Variants in RNGTT observed in about 807,000 individuals in gnomAD.
RNGTT encodes the protein RNA guanylyltransferase and 5'-phosphatase.
Under a neutral mutation model 79.3 loss-of-function variants are expected in RNGTT, and 33 were observed. The observed-to-expected ratio is 0.42, with a 90% CI of 0.32 to 0.56. The LOEUF (loss-of-function observed/expected upper bound fraction) is 0.56. Among genes scored for constraint, RNGTT ranks in the 20% least tolerant of loss-of-function variants. The pLI, the probability that RNGTT is intolerant of heterozygous loss-of-function variation, is 0.17. For synonymous variants in RNGTT, 222 were observed against 235.9 expected (o/e 0.94, Z 0.54); for missense variants, 497 against 739.1 (o/e 0.67, Z 3.80).
intron 6 of RNGTT, among the ~76,000 whole-genome samples, chr6:88,896,213 G>C (rs1783241744): frequency 6.6e-6 from 1 of 152,104 alleles, no homozygotes; most frequent in African/African-American, 2.4e-5. Context: ...TGTGGGTACT[G>C]GCATAACAAC....
At chr6:88,873,828 TAGAA>T (rs1221700216) in intron 8 of RNGTT, among the ~76,000 whole-genome samples, 7 of 152,166 alleles carry the variant, frequency 4.6e-5, no homozygotes, top group African/African-American at 1.7e-4. Context: ...AAGTCCAAGT[TAGAA>T]AAAGTTTCAA....
At chr6:88,956,296 C>G (rs1212918034) in intron 1 of RNGTT, among the ~76,000 whole-genome samples, 1 of 151,436 alleles carries the variant, frequency 6.6e-6, no homozygotes, top group Non-Finnish European at 1.5e-5. Context: ...TAGATTAAAT[C>G]AGGAAGAAAG....
intron 13 of RNGTT, among the ~76,000 whole-genome samples, chr6:88,769,157 TG>T (rs1314421252): frequency 2.0e-5 from 3 of 151,832 alleles, no homozygotes; most frequent in South Asian, 2.1e-4. Flanking sequence ...TTCTTTTCTT[TG>T]GGGGGAGGTG....
chr6:88,932,999 A>G (rs777404662), intron 2 of RNGTT, among the ~76,000 whole-genome samples: 1 of 152,032 alleles, frequency 6.6e-6, no homozygotes, highest in Non-Finnish European at 1.5e-5. Context: ...TTTCTCTCCT[A>G]TCAGCACCCC....
chr6:88,678,131 C>A, intron 14 of RNGTT: 1 of 793,570 alleles, frequency 1.3e-6, no homozygotes, highest in Non-Finnish European at 1.7e-6. Context: ...GGACTATAGG[C>A]ACATGCCACT....
chr6:88,740,035 T>A (rs982109468), intron 13 of RNGTT, among the ~76,000 whole-genome samples: 3 of 151,916 alleles, frequency 2.0e-5, no homozygotes, highest in Non-Finnish European at 2.9e-5. Context: ...CTACTCTTCT[T>A]CCAGAGAAAC....
rs563324762 is a variant in RNGTT, at chr6:88,803,910, C to A, written c.1270-2278G>T. Among the ~76,000 whole-genome samples, 9 of 152,244 alleles carry A rather than the reference C, an allele frequency of 5.9e-5. No individual in the cohort carries two copies. The South Asian group carries it at 1.9e-3, about 32-fold the overall frequency. On this transcript the variant is annotated intron_variant, in intron 11 of 15. Coordinates refer to ENST00000369485, the MANE Select transcript of RNGTT (RefSeq NM_003800.5). ...GAAAGTAATTTCATTTTTTATTCTA[C>A]TCTTTTTATAAATCAGAGTATTTAA...
At chr6:88,654,603 C>T (rs954994201) in intron 14 of RNGTT, among the ~76,000 whole-genome samples, 4 of 143,352 alleles carry the variant, frequency 2.8e-5, no homozygotes, top group Non-Finnish European at 6.0e-5. Flanking sequence ...CCTCCCTCTT[C>T]CCAGTAACTA....
intron 1 of RNGTT, among the ~76,000 whole-genome samples, chr6:88,945,704 T>C (rs1461369918): frequency 6.6e-6 from 1 of 152,204 alleles, no homozygotes; most frequent in African/African-American, 2.4e-5. Flanking sequence ...CAGGACACAA[T>C]GAAAGACTAG....
chr6:88,768,202 T>C (rs1185438964), intron 13 of RNGTT, among the ~76,000 whole-genome samples: 1 of 151,772 alleles, frequency 6.6e-6, no homozygotes, highest in African/African-American at 2.4e-5. Context: ...AGACTTGCTC[T>C]GGGCTCAAGC....
At chr6:88,817,748 C>CTTTTT (rs1227582021) in intron 11 of RNGTT, among the ~76,000 whole-genome samples, 4 of 99,994 alleles carry the variant, frequency 4.0e-5, no homozygotes, top group Non-Finnish European at 6.7e-5. Flanking sequence ...CTATTCACAT[C>CTTTTT]ATTTTTTTTT....
At chr6:88,779,309 T>G (rs1778986212) in intron 12 of RNGTT, among the ~76,000 whole-genome samples, 2 of 152,216 alleles carry the variant, frequency 1.3e-5, no homozygotes, top group African/African-American at 4.8e-5. Flanking sequence ...TTCCGTTTCC[T>G]ACTTGTTTAT....
chr6:88,914,779 A>G (rs1286218583), intron 4 of RNGTT, among the ~76,000 whole-genome samples: 1 of 152,148 alleles, frequency 6.6e-6, no homozygotes, highest in Non-Finnish European at 1.5e-5. Flanking sequence ...CAAGTGGGAC[A>G]TAATTAAGCT....
chr6:88,635,243 C>A (rs914259880), intron 14 of RNGTT, among the ~76,000 whole-genome samples: 18 of 151,978 alleles, frequency 1.2e-4, no homozygotes, highest in African/African-American at 4.3e-4. Context: ...ATATGATAAA[C>A]ATGTATATGC....
chr6:88,619,338 C>T lies in RNGTT; in HGVS notation c.1507-4943G>A, dbSNP rs551109059. Reference sequence around the variant, plus strand: ...GCACTACCACACCTGGCTAATATTGCAATTTTTTTTGTAGAGATGGGGTAT... The same window carrying T: ...GCACTACCACACCTGGCTAATATTGTAATTTTTTTTGTAGAGATGGGGTAT... On this transcript the variant is annotated intron_variant, in intron 14 of 15. Transcript: ENST00000369485. Among the ~76,000 whole-genome samples, 13 of 152,110 alleles carry T rather than the reference C, an allele frequency of 8.5e-5. No homozygotes were observed. In the South Asian group the frequency reaches 2.5e-3, roughly 29 times the overall value.
intron 6 of RNGTT, among the ~76,000 whole-genome samples, chr6:88,894,645 C>G (rs1783171504): frequency 1.3e-5 from 2 of 152,154 alleles, no homozygotes; most frequent in Non-Finnish European, 2.9e-5. Flanking sequence ...GATATCATCC[C>G]CATATGTGAT....
rs1456326356 is a variant in RNGTT at position 88,838,549 on chromosome 6, G to GA, written c.1269+5807dup. Among the ~76,000 whole-genome samples, 6 of 151,928 alleles carry GA rather than the reference G, an allele frequency of 3.9e-5. No homozygotes were observed. The East Asian group carries it at 9.6e-4, about 24-fold the overall frequency. On this transcript the variant is annotated intron_variant, in intron 11 of 15. Transcript: ENST00000369485. The stretch of plus-strand genomic sequence containing the variant: ...ATATCAAAAAGTATGAAATAAATCT[G>GA]AAAAAAGATGAGCAAAATCTCATGC...
At chr6:88,715,768 A>G (rs772382606) in intron 13 of RNGTT, among the ~76,000 whole-genome samples, 58 of 152,222 alleles carry the variant, frequency 3.8e-4, no homozygotes, top group Non-Finnish European at 6.6e-4. Flanking sequence ...GCCATATGTA[A>G]AAAGCTGAAA....
intron 8 of RNGTT, among the ~76,000 whole-genome samples, chr6:88,859,346 A>G (rs996671687): frequency 6.6e-6 from 1 of 152,214 alleles, no homozygotes; most frequent in African/African-American, 2.4e-5. Context: ...AACATAGAAC[A>G]GGAAGGCTGA....
Sources: gnomAD v4.1 joint callset for allele counts (sites outside exome capture counted in the v4.1 genomes callset) on GRCh38, gnomAD v4.1.1 for gene constraint, MANE v1.5 for transcripts, NCBI Gene and HGNC (gene_info 2026-07-23, HGNC 2026-07-21) for gene names.